Variants in NELL1 observed in about 807,000 individuals in gnomAD.
The protein encoded by NELL1 is neural EGFL like 1.
Under a neutral mutation model 107.4 loss-of-function variants are expected in NELL1, and 76 were observed. That is an observed-to-expected ratio of 0.71 (90% CI 0.59 to 0.86). The LOEUF (loss-of-function observed/expected upper bound fraction) is 0.86, where lower values mean the gene tolerates loss of function less well. Among genes scored for constraint, NELL1 ranks in the 40% least tolerant of loss-of-function variants. NELL1 has a pLI of 0.00. For missense variants in NELL1, 1,024 were observed against 1,005.5 expected (o/e 1.02, Z -0.25); for synonymous variants, 353 against 341.2 (o/e 1.03, Z -0.38).
At chr11:21,099,211 A>G (rs1325987543) in intron 12 of NELL1, among the ~76,000 whole-genome samples, 1 of 140,142 alleles carries the variant, frequency 7.1e-6, no homozygotes, top group African/African-American at 2.7e-5. Flanking sequence ...ACACACACAC[A>G]CACACACACA....
chr11:20,845,011 C>T (rs150332963), intron 3 of NELL1, among the ~76,000 whole-genome samples: 102 of 152,296 alleles, frequency 6.7e-4, no homozygotes, highest in African/African-American at 2.3e-3. Flanking sequence ...GCCTTATTTT[C>T]CTCCTAGCCC....
At chr11:21,019,840 C>G (rs957314420) in intron 12 of NELL1, among the ~76,000 whole-genome samples, 4 of 152,048 alleles carry the variant, frequency 2.6e-5, no homozygotes, top group Admixed American at 2.6e-4. Flanking sequence ...CTTAGCTTAG[C>G]CCCTGGGCCC....
At chr11:21,105,495 G>C (rs1359174682) in intron 12 of NELL1, among the ~76,000 whole-genome samples, 1 of 152,088 alleles carries the variant, frequency 6.6e-6, no homozygotes. Flanking sequence ...GCTCCCTACT[G>C]TGAATGTGGT....
chr11:21,459,218 TG>T (rs1342775287), intron 15 of NELL1, among the ~76,000 whole-genome samples: 1 of 151,962 alleles, frequency 6.6e-6, no homozygotes, highest in Admixed American at 6.6e-5. Context: ...TTAATGGTAC[TG>T]AGGGTCTTAT....
At chr11:20,918,508 G>A (rs1164101698) in intron 6 of NELL1, among the ~76,000 whole-genome samples, 1 of 151,946 alleles carries the variant, frequency 6.6e-6, no homozygotes, top group African/African-American at 2.4e-5. Flanking sequence ...AAGGAAAGAG[G>A]TTTAATTGAC....
chr11:21,434,107 T>G (rs572791544), intron 15 of NELL1, among the ~76,000 whole-genome samples: 4 of 152,288 alleles, frequency 2.6e-5, no homozygotes, highest in African/African-American at 9.6e-5. Flanking sequence ...CTTGTCAGGT[T>G]AAGTTTTCAA....
At chr11:21,275,929 T>C (rs2213066) in intron 14 of NELL1, among the ~76,000 whole-genome samples, 124,150 of 152,118 alleles carry the variant, frequency 0.82, 51,684 homozygotes, top group Non-Finnish European at 0.9. Flanking sequence ...CTATGACAAA[T>C]CCACAGCCAA....
intron 12 of NELL1, among the ~76,000 whole-genome samples, chr11:21,097,874 T>C (rs1854687888): frequency 6.6e-6 from 1 of 152,044 alleles, no homozygotes; most frequent in African/African-American, 2.4e-5. Context: ...CATAGAACAG[T>C]GAACTAAGCA....
intron 12 of NELL1, among the ~76,000 whole-genome samples, chr11:21,062,637 C>A (rs1590599021): frequency 6.6e-6 from 1 of 152,146 alleles, no homozygotes; most frequent in East Asian, 1.9e-4. Flanking sequence ...CTGGAATTAC[C>A]ATTGATCCTA....
At chr11:20,978,167 A>G (rs1851677699) in intron 12 of NELL1, among the ~76,000 whole-genome samples, 1 of 152,184 alleles carries the variant, frequency 6.6e-6, no homozygotes, top group African/African-American at 2.4e-5. Context: ...ATCTTTTTAT[A>G]CTGAATCCAG....
At chr11:21,446,472 C>G (rs1245028970) in intron 15 of NELL1, among the ~76,000 whole-genome samples, 3 of 152,078 alleles carry the variant, frequency 2.0e-5, no homozygotes, top group East Asian at 1.9e-4. Context: ...TTGTTACTAC[C>G]CATCCTTTTT....
At chr11:21,411,312 A>C (rs1852371316) in intron 15 of NELL1, among the ~76,000 whole-genome samples, 1 of 152,040 alleles carries the variant, frequency 6.6e-6, no homozygotes, top group Non-Finnish European at 1.5e-5. Context: ...GGGCTCTGCA[A>C]ACATGCCTGT....
At chr11:20,908,302 C>G (rs150724339) in intron 5 of NELL1, among the ~76,000 whole-genome samples, 1 of 152,068 alleles carries the variant, frequency 6.6e-6, no homozygotes, top group East Asian at 1.9e-4. Context: ...GGAACTAACC[C>G]AAATTCTCAA....
intron 13 of NELL1, among the ~76,000 whole-genome samples, chr11:21,228,834 G>A (rs1333479582): frequency 6.7e-6 from 1 of 150,280 alleles, no homozygotes; most frequent in African/African-American, 2.5e-5. Context: ...GGACATTTTA[G>A]GCTGGCTAGT....
At chr11:21,350,769 A>G (rs1189983108) in intron 14 of NELL1, among the ~76,000 whole-genome samples, 2 of 152,192 alleles carry the variant, frequency 1.3e-5, no homozygotes, top group Non-Finnish European at 2.9e-5. Flanking sequence ...GGCTAAACAG[A>G]TCAGTGGGAA....
chr11:20,875,461 T>C (rs1849286391), intron 4 of NELL1, among the ~76,000 whole-genome samples: 1 of 152,152 alleles, frequency 6.6e-6, no homozygotes, highest in African/African-American at 2.4e-5. Flanking sequence ...CCCAGCTACT[T>C]GGGAGGCTGA....
intron 13 of NELL1, among the ~76,000 whole-genome samples, chr11:21,211,289 G>T (rs1375536668): frequency 6.6e-6 from 1 of 152,076 alleles, no homozygotes; most frequent in Non-Finnish European, 1.5e-5. Flanking sequence ...AGGATGAAGA[G>T]GGAAGAGCAT....
chr11:20,877,642 A>G (rs1849330895), intron 4 of NELL1, among the ~76,000 whole-genome samples: 1 of 152,196 alleles, frequency 6.6e-6, no homozygotes, highest in Non-Finnish European at 1.5e-5. Context: ...ACACCTTGGG[A>G]AGAAAATTCC....
chr11:21,099,524 G>T (rs965779444), intron 12 of NELL1, among the ~76,000 whole-genome samples: 1 of 152,140 alleles, frequency 6.6e-6, no homozygotes. Flanking sequence ...GGTCCCCAAG[G>T]CTGGCTAGCA....
Sources: allele counts gnomAD v4.1 joint callset (sites outside exome capture counted in the v4.1 genomes callset), GRCh38; gene constraint gnomAD v4.1.1; transcripts MANE v1.5; gene names NCBI Gene and HGNC (gene_info 2026-07-23, HGNC 2026-07-21).